The following DLGAP1 variants were observed in gnomAD, a reference collection of about 807,000 sequenced individuals.
DLGAP1 encodes the protein DLG associated protein 1.
In DLGAP1, 11 loss-of-function variants were observed where a neutral mutation model predicts 90.8. The ratio of observed to expected loss-of-function variants is 0.12; its 90% CI spans 0.08 to 0.20. DLGAP1 has a LOEUF of 0.20. DLGAP1 is among the 10% of genes least tolerant of loss of function. The probability of loss-of-function intolerance (pLI) is 1.00; values close to 1 mark genes in which losing one functional copy is unlikely to be tolerated. For synonymous variants in DLGAP1, 558 were observed against 540.7 expected (o/e 1.03, Z -0.44); for missense variants, 1,050 against 1,333.8 (o/e 0.79, Z 3.31).
chr18:4,194,637 T>G (rs769570920), intron 1 of DLGAP1, among the ~76,000 whole-genome samples: 5 of 152,200 alleles, frequency 3.3e-5, no homozygotes, highest in Non-Finnish European at 7.3e-5. Flanking sequence ...CTAACATCTA[T>G]TTAGCCATGA....
chr18:3,739,677 G>T (rs1409775165), intron 6 of DLGAP1, among the ~76,000 whole-genome samples: 1 of 151,984 alleles, frequency 6.6e-6, no homozygotes, highest in African/African-American at 2.4e-5. Context: ...CCTAATGCAA[G>T]ATGACAAGTT....
At chr18:4,044,375 A>T (rs1040618685) in intron 2 of DLGAP1, among the ~76,000 whole-genome samples, 8 of 152,208 alleles carry the variant, frequency 5.3e-5, no homozygotes, top group African/African-American at 1.9e-4. Flanking sequence ...TGAACACTCA[A>T]ATCAGCACAG....
chr18:3,880,105 C>A lies in DLGAP1; in HGVS notation c.-37G>T. 1 of 1,584,432 alleles carries A rather than the reference C, an allele frequency of 6.3e-7. No homozygotes were observed. Among genetic ancestry groups the A allele is most frequent in the Non-Finnish European group, 8.6e-7 (1 of 1,169,176 alleles). ...AGCAGCCGCCAGGGTCATGGACACCCGGAAGTCAGGCTCCAGACCCGTCTT... is the reference window on the plus strand; with the variant it reads ...AGCAGCCGCCAGGGTCATGGACACCAGGAAGTCAGGCTCCAGACCCGTCTT... On this transcript the variant is annotated 5_prime_UTR_variant, in exon 4 of 13. Transcript: ENST00000315677.
chr18:4,130,924 A>T (rs1355618432), intron 2 of DLGAP1, among the ~76,000 whole-genome samples: 1 of 152,164 alleles, frequency 6.6e-6, no homozygotes, highest in African/African-American at 2.4e-5. Flanking sequence ...GGATGTGGCC[A>T]GCAGGGGGAA....
At chr18:4,213,568 G>C (rs1270986613) in intron 1 of DLGAP1, among the ~76,000 whole-genome samples, 1 of 152,174 alleles carries the variant, frequency 6.6e-6, no homozygotes, top group Non-Finnish European at 1.5e-5. Context: ...GGGACACAAT[G>C]AGATCAAACT....
In DLGAP1 at chr18:3,789,545, C is replaced by G. The variant is rs188349854; in HGVS notation, c.1172+24514G>C. 3.9e-5 allele frequency among the ~76,000 whole-genome samples: 6 copies of G among 152,206 alleles called. No individual in the cohort carries two copies. The East Asian group carries it at 1.2e-3, about 29-fold the overall frequency. Reference sequence around the variant, plus strand: ...GAAGAGGCAGTGATCAAGGCAGGACCATAGGGTGTATCAATATTTAAAGGG... The same window carrying G: ...GAAGAGGCAGTGATCAAGGCAGGACGATAGGGTGTATCAATATTTAAAGGG... On this transcript the variant is annotated intron_variant, in intron 5 of 12. Transcript: ENST00000315677.
intron 8 of DLGAP1, among the ~76,000 whole-genome samples, chr18:3,570,464 A>G (rs1268607776): frequency 6.6e-6 from 1 of 151,734 alleles, no homozygotes; most frequent in African/African-American, 2.4e-5. Flanking sequence ...TTTTTCGTAG[A>G]GACGGGATTT....
intron 5 of DLGAP1, among the ~76,000 whole-genome samples, chr18:3,751,442 G>A (rs979178374): frequency 6.6e-6 from 1 of 151,988 alleles, no homozygotes; most frequent in Non-Finnish European, 1.5e-5. Flanking sequence ...GACCACAGGT[G>A]TGTGTCACTA....
chr18:3,685,919 A>G (rs910882049), intron 7 of DLGAP1, among the ~76,000 whole-genome samples: 1 of 152,174 alleles, frequency 6.6e-6, no homozygotes, highest in Admixed American at 6.5e-5. Flanking sequence ...CATGCCTGGA[A>G]TCCCAGCACT....
intron 9 of DLGAP1, among the ~76,000 whole-genome samples, chr18:3,539,532 T>C (rs1032340611): frequency 6.6e-6 from 1 of 152,230 alleles, no homozygotes; most frequent in Non-Finnish European, 1.5e-5. Context: ...CTTGTTAGCA[T>C]TCACTTCTGC....
intron 1 of DLGAP1, among the ~76,000 whole-genome samples, chr18:4,339,033 G>T (rs868186334): frequency 3.3e-5 from 5 of 152,154 alleles, no homozygotes; most frequent in Non-Finnish European, 7.4e-5. Flanking sequence ...GCAGATCAAT[G>T]ATTTCATTTA....
At chr18:4,145,116 T>A (rs2076563223) in intron 2 of DLGAP1, among the ~76,000 whole-genome samples, 1 of 152,174 alleles carries the variant, frequency 6.6e-6, no homozygotes, top group African/African-American at 2.4e-5. Flanking sequence ...ATTAACAATA[T>A]CACCACCCCC....
intron 9 of DLGAP1, among the ~76,000 whole-genome samples, chr18:3,556,421 AC>A (rs2053753931): frequency 6.6e-6 from 1 of 151,880 alleles, no homozygotes; most frequent in South Asian, 2.1e-4. Context: ...GCCTATTCAT[AC>A]CTCCTTCCTC....
At chr18:3,951,053 T>C (rs1001261522) in intron 3 of DLGAP1, among the ~76,000 whole-genome samples, 1 of 152,166 alleles carries the variant, frequency 6.6e-6, no homozygotes, top group Non-Finnish European at 1.5e-5. Flanking sequence ...GCACTTCCTA[T>C]TTAAAAAGTC....
chr18:3,596,435 C>T (rs528112397), intron 7 of DLGAP1: 2 of 193,692 alleles, frequency 1.0e-5, no homozygotes, highest in Non-Finnish European at 2.1e-5. Context: ...GCTGGGATTA[C>T]AGGCTTGAAC....
At chr18:4,429,863 T>G (rs11873106) in intron 1 of DLGAP1, among the ~76,000 whole-genome samples, 9,477 of 152,214 alleles carry the variant, frequency 0.062, 969 homozygotes, top group African/African-American at 0.22. Context: ...AAACTGTAAT[T>G]AGTACAACAC....
chr18:3,523,443 G>GCAAACCACATAAC (rs1271495738), intron 10 of DLGAP1, among the ~76,000 whole-genome samples: 1 of 151,598 alleles, frequency 6.6e-6, no homozygotes, highest in East Asian at 1.9e-4. Flanking sequence ...AAAAATATTT[G>GCAAACCACATAAC]CAAACCACAT....
intron 5 of DLGAP1, among the ~76,000 whole-genome samples, chr18:3,776,615 C>G (rs1278848538): frequency 1.3e-5 from 2 of 152,164 alleles, no homozygotes; most frequent in Non-Finnish European, 2.9e-5. Context: ...CTCCTCACCC[C>G]CTGCCTTCCC....
chr18:4,358,858 C>T (rs113118134), intron 1 of DLGAP1, among the ~76,000 whole-genome samples: 1 of 152,346 alleles, frequency 6.6e-6, no homozygotes, highest in Non-Finnish European at 1.5e-5. Flanking sequence ...GGTGCAGCAG[C>T]AGGAAGCCCA....
Sources: allele counts gnomAD v4.1 joint callset (sites outside exome capture counted in the v4.1 genomes callset), GRCh38; gene constraint gnomAD v4.1.1; transcripts MANE v1.5; gene names NCBI Gene and HGNC (gene_info 2026-07-23, HGNC 2026-07-21).